Variants in ARK2N observed in about 807,000 individuals in gnomAD.
ARK2N encodes the protein arkadia (RNF111) N-terminal like PKA signaling regulator 2N.
chr18:46,215,125 C>T, the ARK2N span, among the ~76,000 whole-genome samples: 1 of 152,120 alleles, frequency 6.6e-6, no homozygotes, highest in Non-Finnish European at 1.5e-5. Context: ...TCGAGACCAG[C>T]CTGGGCAACA....
chr18:46,245,793 A>G, the ARK2N span, among the ~76,000 whole-genome samples: 1 of 152,170 alleles, frequency 6.6e-6, no homozygotes. Flanking sequence ...TTTCCTTTAA[A>G]GACAGAAAGA....
the ARK2N span, among the ~76,000 whole-genome samples, chr18:46,183,067 A>C: frequency 6.6e-6 from 1 of 152,078 alleles, no homozygotes; most frequent in Non-Finnish European, 1.5e-5. Flanking sequence ...GAAAACCGAA[A>C]AACTTACCAC....
chr18:46,189,863 C>CA, the ARK2N span, among the ~76,000 whole-genome samples: 1 of 150,818 alleles, frequency 6.6e-6, no homozygotes, highest in Non-Finnish European at 1.5e-5. Context: ...GACACTGTCT[C>CA]AAAAAAGGAA....
the ARK2N span, among the ~76,000 whole-genome samples, chr18:46,178,335 CAG>C: frequency 6.6e-6 from 1 of 152,074 alleles, no homozygotes; most frequent in South Asian, 2.1e-4. Flanking sequence ...TTTTTTGAGA[CAG>C]AGTCTCACTG....
At chr18:46,264,605 T>G in the ARK2N span, 1 of 152,750 alleles carries the variant, frequency 6.5e-6, no homozygotes, top group Non-Finnish European at 1.5e-5. Flanking sequence ...CTGCTCTGCA[T>G]AAGGCACTGT....
the ARK2N span, among the ~76,000 whole-genome samples, chr18:46,188,410 A>G: frequency 6.6e-6 from 1 of 152,250 alleles, no homozygotes; most frequent in Non-Finnish European, 1.5e-5. Context: ...CATGTTGGCC[A>G]GGTTGGTTTC....
chr18:46,195,903 A>T, the ARK2N span, among the ~76,000 whole-genome samples: 1 of 151,882 alleles, frequency 6.6e-6, no homozygotes, highest in East Asian at 1.9e-4. Flanking sequence ...AAACCCAACC[A>T]TTATACCATT....
chr18:46,262,712 T>C, the ARK2N span, among the ~76,000 whole-genome samples: 1,197 of 152,240 alleles, frequency 7.9e-3, 4 homozygotes, highest in Non-Finnish European at 0.012. Context: ...CCCTTGGCCT[T>C]TTTAAGGCTA....
the ARK2N span, among the ~76,000 whole-genome samples, chr18:46,194,893 TC>T: frequency 4.7e-5 from 7 of 149,800 alleles, no homozygotes; most frequent in African/African-American, 1.2e-4. Flanking sequence ...AACCTCCACC[TC>T]CTGTGTTCAA....
the ARK2N span, among the ~76,000 whole-genome samples, chr18:46,229,834 G>A: frequency 4.6e-5 from 7 of 152,024 alleles, no homozygotes; most frequent in Non-Finnish European, 1.5e-5. Flanking sequence ...AAACTCCTAA[G>A]CTCAAGGGAT....
At chr18:46,207,485 G>A in the ARK2N span, among the ~76,000 whole-genome samples, 1 of 151,364 alleles carries the variant, frequency 6.6e-6, no homozygotes, top group Non-Finnish European at 1.5e-5. Flanking sequence ...TGCCTTCTGG[G>A]TTCAAGCCAT....
the ARK2N span, among the ~76,000 whole-genome samples, chr18:46,206,928 A>G: frequency 6.6e-6 from 1 of 152,036 alleles, no homozygotes; most frequent in African/African-American, 2.4e-5. Context: ...GGCATGCACC[A>G]CCATGCCCAA....
the ARK2N span, chr18:46,219,347 C>G: frequency 3.3e-5 from 5 of 152,058 alleles, no homozygotes; most frequent in Admixed American, 2.6e-4. Context: ...GCAGTACTTT[C>G]ATTTGGCAGA....
the ARK2N span, among the ~76,000 whole-genome samples, chr18:46,191,698 A>G: frequency 6.6e-6 from 1 of 152,118 alleles, no homozygotes; most frequent in Non-Finnish European, 1.5e-5. Context: ...TAGGTTATAT[A>G]TTAGAGTTCA....
At chr18:46,249,445 A>G in the ARK2N span, among the ~76,000 whole-genome samples, 340 of 150,164 alleles carry the variant, frequency 2.3e-3, no homozygotes, top group Non-Finnish European at 3.9e-3. Flanking sequence ...TGTTAGTCAG[A>G]ATGGTCTCGA....
chr18:46,192,257 C>T, the ARK2N span, among the ~76,000 whole-genome samples: 1 of 152,044 alleles, frequency 6.6e-6, no homozygotes, highest in African/African-American at 2.4e-5. Context: ...GTAGGATTTG[C>T]TGTAGAGCAG....
the ARK2N span, among the ~76,000 whole-genome samples, chr18:46,235,642 A>G: frequency 6.6e-6 from 1 of 152,212 alleles, no homozygotes; most frequent in East Asian, 1.9e-4. Context: ...TGTACTTCCT[A>G]TGCTGCTACC....
chr18:46,223,165 T>C, the ARK2N span, among the ~76,000 whole-genome samples: 3 of 152,232 alleles, frequency 2.0e-5, no homozygotes, highest in Non-Finnish European at 2.9e-5. Flanking sequence ...TCCTGTCCTA[T>C]GCTTAAGTTT....
chr18:46,179,846 A>G, the ARK2N span, among the ~76,000 whole-genome samples: 3 of 151,986 alleles, frequency 2.0e-5, no homozygotes, highest in Non-Finnish European at 4.4e-5. Flanking sequence ...GCTGGTCTCA[A>G]ACTCCCGACC....
Sources: gnomAD v4.1 joint callset for allele counts (sites outside exome capture counted in the v4.1 genomes callset) on GRCh38, gnomAD v4.1.1 for gene constraint, MANE v1.5 for transcripts, NCBI Gene and HGNC (gene_info 2026-07-23, HGNC 2026-07-21) for gene names.